SETD2: variants seen among roughly 807,000 people sequenced by gnomAD.
The protein encoded by SETD2 is SET domain containing 2, histone lysine methyltransferase.
In SETD2, 31 loss-of-function variants were observed where a neutral mutation model predicts 242.1. The observed-to-expected ratio is 0.13, with a 90% CI of 0.10 to 0.17. SETD2 has a LOEUF of 0.17. Ranked by LOEUF, SETD2 falls within the 10% of genes least tolerant of loss-of-function variation. The pLI is 1.00. For missense variants in SETD2, 2,481 were observed against 3,046.3 expected, an observed-to-expected ratio of 0.81 and a Z score of 4.37; for synonymous variants, 1,006 against 1,066.5, an observed-to-expected ratio of 0.94 and a Z score of 1.11.
intron 15 of SETD2, among the ~76,000 whole-genome samples, chr3:47,048,714 G>T (rs2039648520): frequency 6.6e-6 from 1 of 151,986 alleles, no homozygotes; most frequent in Admixed American, 6.6e-5. Context: ...CCTCGCCAGG[G>T]TGGAGAGCAG....
intron 1 of SETD2, among the ~76,000 whole-genome samples, chr3:47,132,311 A>G (rs1316096518): frequency 1.3e-5 from 2 of 151,766 alleles, no homozygotes; most frequent in Non-Finnish European, 2.9e-5. Flanking sequence ...ATTTTTTGAG[A>G]CAAAGTCTAC....
Position 47,123,035 on chromosome 3 carries a change from G to C in SETD2, c.1601C>G (p.Pro534Arg), listed in dbSNP as rs1399887416. Residue 534 changes from proline (P) to arginine (R), a missense_variant, in exon 3 of 21, where the codon CCT becomes CGT. Around this residue, in one of 17 missense-constraint regions of SETD2, gnomAD observed 1,300 missense variants for 1,259.2 expected, o/e 1.03. Coordinates refer to ENST00000409792, the MANE Select transcript of SETD2 (RefSeq NM_014159.7). Reference sequence around the variant, plus strand: ...CCCTCGTCGGAATCCCAGTTCATTAGGGGGAGAACAACATCTTTTAATTGC... The same window carrying C: ...CCCTCGTCGGAATCCCAGTTCATTACGGGGAGAACAACATCTTTTAATTGC... ...NEAIKRCCSP[P>R]NELGFRRGSS... 1 of 1,614,062 alleles carries C rather than the reference G, an allele frequency of 6.2e-7. No homozygotes were observed. Among genetic ancestry groups the C allele is most frequent in the Non-Finnish European group, 8.5e-7 (1 of 1,179,932 alleles).
At chr3:47,147,909 C>A (rs2043897193) in intron 1 of SETD2, among the ~76,000 whole-genome samples, 2 of 129,684 alleles carry the variant, frequency 1.5e-5, no homozygotes, top group Non-Finnish European at 1.6e-5. Flanking sequence ...CAGAGCAAGA[C>A]TCTGTCTCAA....
chr3:47,097,906 G>A (rs756563378), intron 9 of SETD2, 49 bp downstream of exon 9: 20 of 1,596,132 alleles, frequency 1.3e-5, no homozygotes, highest in South Asian at 1.0e-4. Flanking sequence ...AAGCCACCTC[G>A]CTTTTTAAAT....
At chr3:47,140,698 T>C (rs1001476185) in intron 1 of SETD2, among the ~76,000 whole-genome samples, 5 of 151,928 alleles carry the variant, frequency 3.3e-5, no homozygotes, top group African/African-American at 1.2e-4. Context: ...CTGTCTCTAC[T>C]AAAAATACAA....
intron 9 of SETD2, among the ~76,000 whole-genome samples, chr3:47,094,144 A>C (rs2041915219): frequency 6.6e-6 from 1 of 152,222 alleles, no homozygotes; most frequent in Non-Finnish European, 1.5e-5. Flanking sequence ...TTGTTTCAAA[A>C]ACTCAAACAA....
At chr3:47,031,258 G>A (rs2038754848) in intron 18 of SETD2, among the ~76,000 whole-genome samples, 1 of 152,150 alleles carries the variant, frequency 6.6e-6, no homozygotes, top group Non-Finnish European at 1.5e-5. Flanking sequence ...TGGACTTTGG[G>A]TGGTAATAAT....
intron 14 of SETD2, among the ~76,000 whole-genome samples, chr3:47,061,217 C>CAA (rs948929003): frequency 4.0e-5 from 6 of 149,884 alleles, no homozygotes; most frequent in Admixed American, 3.3e-4. Context: ...GGCTCTGTCT[C>CAA]AAAAAAAAAG....
rs1020489840 is a variant in SETD2, at chr3:47,067,260, G to T, written c.6061-142C>A. On this transcript the variant is annotated intron_variant, in intron 12 of 20. Transcript: ENST00000409792. Reference sequence around the variant, plus strand: ...TCTCTAAAATTTGACTTATATCTGGGCTTTAAATAAGAATATATCCTGGCC... The same window carrying T: ...TCTCTAAAATTTGACTTATATCTGGTCTTTAAATAAGAATATATCCTGGCC... 3 of 660,652 alleles carry T rather than the reference G, an allele frequency of 4.5e-6. No homozygotes were observed. In the Admixed American group the frequency reaches 8.4e-5, roughly 18 times the overall value. The allele number at this position is 660,652 out of a possible 1,614,324, so 40.9% of individuals were successfully genotyped here.
intron 9 of SETD2, among the ~76,000 whole-genome samples, chr3:47,096,584 AAAAAAAAAAAAAG>A (rs754429970): frequency 2.7e-3 from 109 of 40,482 alleles, no homozygotes; most frequent in South Asian, 7.7e-3. Flanking sequence ...AAAAAAAAAA[AAAAAAAAAAAAAG>A]GGGGGCTGGG....
chr3:47,087,459 A>G (rs1271585895), intron 10 of SETD2, among the ~76,000 whole-genome samples: 7 of 152,302 alleles, frequency 4.6e-5, no homozygotes, highest in Non-Finnish European at 8.8e-5. Context: ...TCGTGCTCCT[A>G]TGAGAATCGA....
intron 1 of SETD2, among the ~76,000 whole-genome samples, chr3:47,160,661 A>T (rs1173956617): frequency 6.6e-6 from 1 of 152,102 alleles, no homozygotes; most frequent in Middle Eastern, 3.2e-3. Flanking sequence ...AAACTCCACA[A>T]GGGCAAAATT....
intron 1 of SETD2, among the ~76,000 whole-genome samples, chr3:47,148,373 C>G (rs893816732): frequency 6.6e-6 from 1 of 152,014 alleles, no homozygotes; most frequent in African/African-American, 2.4e-5. Context: ...TCAGGGGATC[C>G]GCCCACCTCA....
intron 10 of SETD2, among the ~76,000 whole-genome samples, chr3:47,086,656 A>G (rs1243121400): frequency 2.6e-5 from 4 of 152,132 alleles, no homozygotes; most frequent in Non-Finnish European, 5.9e-5. Flanking sequence ...AACCATAAAA[A>G]TTAGTCCTTA....
intron 12 of SETD2, chr3:47,081,180 C>G: frequency 3.3e-6 from 2 of 611,632 alleles, no homozygotes; most frequent in Non-Finnish European, 2.1e-6. Flanking sequence ...CTCCCACCCT[C>G]TTTCATTTAC....
chr3:47,077,715 G>A (rs1412148169), intron 12 of SETD2, among the ~76,000 whole-genome samples: 1 of 152,170 alleles, frequency 6.6e-6, no homozygotes, highest in South Asian at 2.1e-4. Context: ...CCAACGCGAG[G>A]AACAAGAGAT....
At chr3:47,051,891 TG>T (rs2039860804) in intron 15 of SETD2, among the ~76,000 whole-genome samples, 1 of 152,212 alleles carries the variant, frequency 6.6e-6, no homozygotes, top group Admixed American at 6.5e-5. Context: ...CAAGACCGGA[TG>T]TTTAAGTAAG....
intron 17 of SETD2, chr3:47,041,418 T>G (rs1559655545): frequency 4.6e-6 from 2 of 432,216 alleles, no homozygotes; most frequent in Admixed American, 5.3e-5. Context: ...GAGGCTTAGG[T>G]GGGAGGATCG....
chr3:47,122,359 T>G lies in SETD2; in HGVS notation c.2277A>C (p.Lys759Asn), dbSNP rs2106676423. The G allele has an allele frequency of 6.2e-7, 1 of 1,614,112 alleles. No individual in the cohort carries two copies. The highest frequency in any genetic ancestry group is 8.5e-7 in the Non-Finnish European group (1 of 1,179,982). Residue 759 changes from lysine (K) to asparagine (N), a missense_variant, in exon 3 of 21, where the codon AAA becomes AAC. Transcript: ENST00000409792. ...TEPLVSPHQD[K>N]LMSMPVMTVD... ...CAGTCATAACTGGCATAGACATGAG[T>G]TTATCTTGGTGTGGTGACACCAGAG...
Sources: allele counts gnomAD v4.1 joint callset (sites outside exome capture counted in the v4.1 genomes callset), GRCh38; gene constraint gnomAD v4.1.1; regional missense constraint gnomAD v4.1.1; transcripts MANE v1.5; gene names NCBI Gene and HGNC (gene_info 2026-07-23, HGNC 2026-07-21).